The following PTCHD4 variants were observed in gnomAD, a reference collection of about 807,000 sequenced individuals.
PTCHD4 encodes the protein patched domain-containing protein 4.
In PTCHD4, 33 loss-of-function variants were observed where a neutral mutation model predicts 58.1. That is an observed-to-expected ratio of 0.57 (90% CI 0.43 to 0.76). PTCHD4 has a LOEUF of 0.76. PTCHD4 is among the 30% of genes least tolerant of loss of function. The pLI, the probability that PTCHD4 is intolerant of heterozygous loss-of-function variation, is 0.00. For missense variants in PTCHD4, 1,058 were observed against 1,027.1 expected, an observed-to-expected ratio of 1.03 and a Z score of -0.41; for synonymous variants, 478 against 409.6, an observed-to-expected ratio of 1.17 and a Z score of -2.02.
intron 3 of PTCHD4, among the ~76,000 whole-genome samples, chr6:48,042,609 C>T (rs1763885350): frequency 6.6e-6 from 1 of 151,814 alleles, no homozygotes; most frequent in South Asian, 2.1e-4. Flanking sequence ...GATCAGAATG[C>T]CCTTTCCAAC....
intron 4 of PTCHD4, among the ~76,000 whole-genome samples, chr6:47,989,646 C>T (rs528537914): frequency 6.2e-4 from 95 of 152,298 alleles, no homozygotes; most frequent in African/African-American, 2.3e-3. Context: ...TGGTATTAAG[C>T]CTGCAGGTGC....
intron 1 of PTCHD4, among the ~76,000 whole-genome samples, chr6:48,080,403 A>G (rs1765142861): frequency 6.6e-6 from 1 of 152,248 alleles, no homozygotes; most frequent in African/African-American, 2.4e-5. Context: ...ATAGGCATTT[A>G]TAGAAACTGT....
In PTCHD4 at chr6:48,028,882, C is replaced by T. The variant is rs115191426; in HGVS notation, c.418-19768G>A. Among the ~76,000 whole-genome samples the T allele has an allele frequency of 6.7e-3, 1,010 of 151,860 alleles. 9 individuals are homozygous for T. Among genetic ancestry groups the T allele is most frequent in the African/African-American group, 0.023 (954 of 41,440 alleles). On this transcript the variant is annotated intron_variant, in intron 3 of 4. Coordinates refer to ENST00000339488, the MANE Select transcript of PTCHD4 (RefSeq NM_001384253.1). The stretch of plus-strand genomic sequence containing the variant: ...CTAACTTTGAGATTTCTCAGGTGGC[C>T]CCCAGAAAATCTCAAAGGATTTGCT...
At chr6:47,914,605 T>C (rs1765173186) in intron 4 of PTCHD4, among the ~76,000 whole-genome samples, 2 of 150,896 alleles carry the variant, frequency 1.3e-5, no homozygotes, top group South Asian at 4.1e-4. Context: ...TAGTTAATCT[T>C]TCTCTCTCTA....
chr6:48,056,416 G>A (rs1764406159), intron 3 of PTCHD4, among the ~76,000 whole-genome samples: 1 of 152,106 alleles, frequency 6.6e-6, no homozygotes, highest in East Asian at 1.9e-4. Flanking sequence ...AATATTTTCA[G>A]TCTGTAACTT....
At chr6:48,061,781 T>C (rs1441699751) in intron 3 of PTCHD4, among the ~76,000 whole-genome samples, 1 of 152,224 alleles carries the variant, frequency 6.6e-6, no homozygotes, top group African/African-American at 2.4e-5. Context: ...TACTTCTGCA[T>C]GCCAGGGCTG....
intron 4 of PTCHD4, among the ~76,000 whole-genome samples, chr6:47,970,234 C>T (rs1322865790): frequency 6.6e-6 from 1 of 151,954 alleles, no homozygotes; most frequent in African/African-American, 2.4e-5. Context: ...TTTGGAGCCC[C>T]ATGAAGATAA....
intron 4 of PTCHD4, among the ~76,000 whole-genome samples, chr6:47,964,721 A>G (rs1305594028): frequency 6.6e-6 from 1 of 152,164 alleles, no homozygotes; most frequent in Non-Finnish European, 1.5e-5. Flanking sequence ...CTTGGTAGTG[A>G]GTGGTTTAAT....
intron 4 of PTCHD4, among the ~76,000 whole-genome samples, chr6:47,916,559 T>G (rs1310911955): frequency 4.6e-5 from 7 of 152,004 alleles, no homozygotes; most frequent in Non-Finnish European, 8.8e-5. Flanking sequence ...GAGCTAGACC[T>G]AGAAAAGGGG....
intron 3 of PTCHD4, among the ~76,000 whole-genome samples, chr6:48,015,090 G>A (rs1239267603): frequency 6.6e-5 from 10 of 150,488 alleles, no homozygotes; most frequent in Admixed American, 6.6e-4. Flanking sequence ...ATTCCTTTAA[G>A]TGTAAATCAC....
At chr6:47,896,545 T>C (rs570095217) in intron 4 of PTCHD4, among the ~76,000 whole-genome samples, 1 of 152,378 alleles carries the variant, frequency 6.6e-6, no homozygotes, top group Admixed American at 6.5e-5. Flanking sequence ...TTATTTTCCA[T>C]ATTCAATTTT....
intron 4 of PTCHD4, among the ~76,000 whole-genome samples, chr6:47,929,874 G>A (rs896512087): frequency 1.3e-5 from 2 of 152,188 alleles, no homozygotes; most frequent in Non-Finnish European, 2.9e-5. Context: ...AGCATTCTAC[G>A]CCCCTCACAG....
intron 4 of PTCHD4, among the ~76,000 whole-genome samples, chr6:47,934,084 C>T (rs952822259): frequency 6.6e-6 from 1 of 152,112 alleles, no homozygotes; most frequent in African/African-American, 2.4e-5. Flanking sequence ...TGAAACTATT[C>T]CATTGATCTC....
chr6:47,944,414 T>A (rs1766343293), intron 4 of PTCHD4, among the ~76,000 whole-genome samples: 1 of 152,112 alleles, frequency 6.6e-6, no homozygotes, highest in East Asian at 1.9e-4. Context: ...GGTGAATATG[T>A]TGTAAAAATT....
At chr6:47,962,201 A>C in intron 4 of PTCHD4, among the ~76,000 whole-genome samples, 1 of 152,182 alleles carries the variant, frequency 6.6e-6, no homozygotes, top group East Asian at 1.9e-4. Context: ...ACCACAAAAA[A>C]AATTCCAGTG....
chr6:48,031,729 A>G (rs2814485), intron 3 of PTCHD4, among the ~76,000 whole-genome samples: 88,781 of 151,958 alleles, frequency 0.58, 26,080 homozygotes, highest in East Asian at 0.72. Context: ...AATACATTAA[A>G]CAAGGGATGG....
intron 4 of PTCHD4, among the ~76,000 whole-genome samples, chr6:47,960,356 C>T (rs772035254): frequency 4.6e-5 from 7 of 152,084 alleles, no homozygotes; most frequent in Middle Eastern, 3.4e-3. Flanking sequence ...TAAATTGAAC[C>T]ATTAAAATAA....
At chr6:48,093,835 C>A (rs1765411793) in intron 1 of PTCHD4, among the ~76,000 whole-genome samples, 1 of 152,170 alleles carries the variant, frequency 6.6e-6, no homozygotes, top group Non-Finnish European at 1.5e-5. Flanking sequence ...GAAGCTTTTA[C>A]ATCTCCTTTG....
chr6:48,092,079 T>G (rs1765377082), intron 1 of PTCHD4, among the ~76,000 whole-genome samples: 1 of 152,156 alleles, frequency 6.6e-6, no homozygotes, highest in Non-Finnish European at 1.5e-5. Context: ...CTAATATATT[T>G]CATACATCTG....
Sources: gnomAD v4.1 joint callset for allele counts (sites outside exome capture counted in the v4.1 genomes callset) on GRCh38, gnomAD v4.1.1 for gene constraint, MANE v1.5 for transcripts, NCBI Gene and HGNC (gene_info 2026-07-23, HGNC 2026-07-21) for gene names.